The following CLSTN1 variants were observed in gnomAD, a reference collection of about 807,000 sequenced individuals.
CLSTN1 encodes calsyntenin 1.
A neutral mutation model predicts 108.3 loss-of-function variants in CLSTN1; 28 were observed. The observed-to-expected ratio is 0.26, with a 90% CI of 0.19 to 0.35. The LOEUF (loss-of-function observed/expected upper bound fraction) is 0.35, where lower values mean the gene tolerates loss of function less well. Ranked by LOEUF, CLSTN1 falls within the 10% of genes least tolerant of loss-of-function variation. CLSTN1 has a pLI of 1.00. For synonymous variants in CLSTN1, 524 were observed against 534.9 expected (o/e 0.98, Z 0.28); for missense variants, 1,157 against 1,302.6 (o/e 0.89, Z 1.72).
At chr1:9,822,655 A>G (rs1469558428) in intron 1 of CLSTN1, among the ~76,000 whole-genome samples, 1 of 152,218 alleles carries the variant, frequency 6.6e-6, no homozygotes, top group East Asian at 1.9e-4. Context: ...ATCCACTCAG[A>G]AGCAAATACT....
chr1:9,737,636 A>G, intron 10 of CLSTN1, 82 bp from the exon 11 acceptor site: 1 of 1,186,612 alleles, frequency 8.4e-7, no homozygotes, highest in Non-Finnish European at 1.3e-6. Flanking sequence ...CCAGGTTTGA[A>G]GCAACCAACT....
At chr1:9,780,317 C>T (rs574438109) in intron 1 of CLSTN1, among the ~76,000 whole-genome samples, 3 of 152,234 alleles carry the variant, frequency 2.0e-5, no homozygotes, top group South Asian at 2.1e-4. Flanking sequence ...GTCCATAAAA[C>T]TCCTGAGACT....
intron 1 of CLSTN1, among the ~76,000 whole-genome samples, chr1:9,806,792 T>C (rs151101777): frequency 6.6e-6 from 1 of 151,666 alleles, no homozygotes; most frequent in African/African-American, 2.4e-5. Context: ...GGCAGGAAAA[T>C]GGTGTGAACC....
intron 2 of CLSTN1, among the ~76,000 whole-genome samples, chr1:9,765,507 C>A (rs548198718): frequency 6.6e-6 from 1 of 151,828 alleles, no homozygotes; most frequent in Admixed American, 6.6e-5. Context: ...TATGGTGAAA[C>A]CCTGTCTCTA....
chr1:9,737,665 A>C, intron 10 of CLSTN1, 111 bp from the exon 11 acceptor site: 7 of 919,800 alleles, frequency 7.6e-6, no homozygotes, highest in South Asian at 1.4e-5. Context: ...TGAAGAGAAA[A>C]TTCCCTCGTG....
chr1:9,753,212 C>T (rs552443709), intron 4 of CLSTN1, among the ~76,000 whole-genome samples: 1 of 152,130 alleles, frequency 6.6e-6, no homozygotes, highest in African/African-American at 2.4e-5. Flanking sequence ...ACAGGGTTCG[C>T]GCTCCTGTGA....
chr1:9,811,286 C>T (rs1173546378), intron 1 of CLSTN1, among the ~76,000 whole-genome samples: 3 of 152,112 alleles, frequency 2.0e-5, no homozygotes, highest in Non-Finnish European at 1.5e-5. Flanking sequence ...TATAAAAAAG[C>T]ATTTAAGCCA....
At chr1:9,780,420 C>T (rs72855717) in intron 1 of CLSTN1, among the ~76,000 whole-genome samples, 2,790 of 152,092 alleles carry the variant, frequency 0.018, 79 homozygotes, top group African/African-American at 0.063. Flanking sequence ...TGAGTAGTAA[C>T]GTAAAATGTG....
chr1:9,757,541 G>A (rs550212781), intron 2 of CLSTN1, among the ~76,000 whole-genome samples: 7 of 151,964 alleles, frequency 4.6e-5, no homozygotes, highest in East Asian at 1.9e-4. Flanking sequence ...GCACCCAGCC[G>A]AACAAAAGGT....
Position 9,730,767 on chromosome 1 carries a change from TTCTCC to T in CLSTN1, c.2749-67_2749-63del. ...CTGCCCACAGCCCCGTCACCTGGCA[TTCTCC>T]TCTCGACAGCCACAGAGGAAGGAGA... is the stretch of plus-strand genomic sequence containing the variant. On this transcript the variant is annotated intron_variant, in intron 18 of 18. Transcript: ENST00000377298. The surrounding 1 kb of genome is among the most constrained non-coding windows in gnomAD (Gnocchi z 5.6). 6.8e-7 allele frequency: 1 copy of T among 1,464,720 alleles called. No homozygotes were observed. Among genetic ancestry groups the T allele is most frequent in the Non-Finnish European group, 9.3e-7 (1 of 1,077,990 alleles). The allele number at this position is 1,464,720 out of a possible 1,614,324, so 90.7% of individuals were successfully genotyped here.
intron 1 of CLSTN1, among the ~76,000 whole-genome samples, chr1:9,793,627 C>A (rs1653864334): frequency 6.6e-6 from 1 of 151,472 alleles, no homozygotes; most frequent in Non-Finnish European, 1.5e-5. Flanking sequence ...CCTTCCTGGG[C>A]AATTTCCACT....
chr1:9,735,057 A>G lies in CLSTN1; in HGVS notation c.2001T>C (p.Ala667=). Residue 667 remains alanine, a synonymous_variant, in exon 14 of 19, where the codon GCT becomes GCC. Transcript: ENST00000377298. ...LSGVHHFARA[A]SEFESSEGVF... ...CCCCTTCTGAGCTTTCAAATTCAGA[A>G]GCTGCTCGGGCAAAATGGTGGACGC... The G allele has an allele frequency of 6.2e-7, 1 of 1,614,204 alleles. No homozygotes were observed. Among genetic ancestry groups the G allele is most frequent in the Non-Finnish European group, 8.5e-7 (1 of 1,180,040 alleles).
At chr1:9,777,700 C>A (rs1194742144) in intron 1 of CLSTN1, among the ~76,000 whole-genome samples, 1 of 152,050 alleles carries the variant, frequency 6.6e-6, no homozygotes, top group Non-Finnish European at 1.5e-5. Flanking sequence ...TGTTGTCCAC[C>A]TTCACAGAAG....
upstream of CLSTN1, chr1:9,824,168 C>G (rs1252606736): frequency 2.0e-5 from 3 of 147,708 alleles, no homozygotes; most frequent in Non-Finnish European, 4.5e-5. The surrounding 1 kb of genome is among the most constrained non-coding windows in gnomAD (Gnocchi z 5.0). Flanking sequence ...AGCCCGTCGG[C>G]CCCGCCTGGA....
intron 2 of CLSTN1, among the ~76,000 whole-genome samples, chr1:9,768,979 G>C (rs1355503674): frequency 2.1e-5 from 3 of 141,858 alleles, no homozygotes; most frequent in African/African-American, 7.9e-5. Context: ...GAGGGAAGAA[G>C]GGATGGAAGG....
In CLSTN1 at chr1:9,756,384, C is replaced by T. The variant is rs190162827; in HGVS notation, c.244+97G>A. The T allele has an allele frequency of 6.5e-6, 6 of 921,304 alleles. 1 individual carries two copies. In the East Asian group the frequency reaches 1.4e-4, roughly 22 times the overall value. The allele number at this position is 921,304 out of a possible 1,614,324, so 57.1% of individuals were successfully genotyped here. On this transcript the variant is annotated intron_variant, in intron 3 of 18. Coordinates refer to ENST00000377298, the MANE Select transcript of CLSTN1 (RefSeq NM_001009566.3). ...AGGAGAATAAATAAGGATAAAAGAG[C>T]ATGACAGTTTCTCCTGTTTAAGGGC...
At chr1:9,748,566 C>T (rs952662017) in intron 7 of CLSTN1, among the ~76,000 whole-genome samples, 5 of 152,240 alleles carry the variant, frequency 3.3e-5, no homozygotes, top group Non-Finnish European at 7.3e-5. Flanking sequence ...TGGCTCACTG[C>T]AACGTCCACC....
chr1:9,771,107 T>G (rs930119340), intron 2 of CLSTN1, among the ~76,000 whole-genome samples: 1 of 152,198 alleles, frequency 6.6e-6, no homozygotes, highest in Admixed American at 6.5e-5. Flanking sequence ...AAGGAGGACC[T>G]GAGGGAGCAA....
intron 8 of CLSTN1, among the ~76,000 whole-genome samples, 157 bp downstream of exon 8, chr1:9,744,238 G>T (rs1484819924): frequency 6.6e-6 from 1 of 152,204 alleles, no homozygotes; most frequent in African/African-American, 2.4e-5. Context: ...CCCAGGCCGT[G>T]GCTCTAGGGA....
Sources: allele counts gnomAD v4.1 joint callset (sites outside exome capture counted in the v4.1 genomes callset), GRCh38; gene constraint gnomAD v4.1.1; non-coding constraint Gnocchi (gnomAD v3.1); transcripts MANE v1.5; gene names NCBI Gene and HGNC (gene_info 2026-07-23, HGNC 2026-07-21).